CEP128: variants seen among roughly 807,000 people sequenced by gnomAD.
CEP128 encodes the protein centrosomal protein 128kDa.
A neutral mutation model predicts 156.7 loss-of-function variants in CEP128; 132 were observed. The observed-to-expected ratio is 0.84, with a 90% CI of 0.73 to 0.97. CEP128 has a LOEUF of 0.97. Among genes scored for constraint, CEP128 ranks in the 50% least tolerant of loss-of-function variants. CEP128 has a pLI of 0.00. For missense variants in CEP128, 1,252 were observed against 1,281.9 expected (o/e 0.98, Z 0.36); for synonymous variants, 469 against 448.9 (o/e 1.04, Z -0.57).
chr14:80,896,434 G>T (rs184204973), intron 7 of CEP128, among the ~76,000 whole-genome samples: 3 of 152,176 alleles, frequency 2.0e-5, no homozygotes, highest in African/African-American at 7.2e-5. Flanking sequence ...TATTTTGCTG[G>T]TTGCCTTCAT....
chr14:80,906,183 TC>T (rs767171861), intron 4 of CEP128, 102 bp from the exon 5 acceptor site: 2 of 891,356 alleles, frequency 2.2e-6, no homozygotes, highest in African/African-American at 1.8e-5. Context: ...ATATCTGGGT[TC>T]CCCCCAAAAA....
At chr14:80,847,411 T>A (rs928624019) in intron 9 of CEP128, among the ~76,000 whole-genome samples, 2 of 152,142 alleles carry the variant, frequency 1.3e-5, no homozygotes, top group Non-Finnish European at 2.9e-5. Context: ...GTTTATTTCA[T>A]CTTTGCAAAG....
At position 80,511,065 on chromosome 14, in the gene CEP128, CT is replaced by C. The variant is rs201045822; in HGVS notation, c.3073-6046del. ...TATTGGCCTGTGGGTTTTTTTTTTC[CT>C]TTTTTTTTTTTATATGTCTTCTTCT... On this transcript the variant is annotated intron_variant, in intron 23 of 24. Coordinates refer to ENST00000555265, the MANE Select transcript of CEP128 (RefSeq NM_152446.5). Among the ~76,000 whole-genome samples the C allele has an allele frequency of 7.6e-3, 1,108 of 145,530 alleles. 13 individuals are homozygous for C. The highest frequency in any genetic ancestry group is 0.027 in the African/African-American group (1,063 of 39,034).
chr14:80,560,923 C>A (rs1890645668), intron 20 of CEP128, among the ~76,000 whole-genome samples: 1 of 152,048 alleles, frequency 6.6e-6, no homozygotes, highest in African/African-American at 2.4e-5. Context: ...CTAATTCTGT[C>A]CCTCTAAGAG....
intron 19 of CEP128, among the ~76,000 whole-genome samples, chr14:80,659,254 T>C (rs1206512382): frequency 6.6e-6 from 1 of 152,146 alleles, no homozygotes; most frequent in Non-Finnish European, 1.5e-5. Flanking sequence ...TAATAATTTT[T>C]TCCTACAGCA....
chr14:80,652,899 T>C (rs1405965248), intron 19 of CEP128, among the ~76,000 whole-genome samples: 4 of 152,208 alleles, frequency 2.6e-5, no homozygotes, highest in African/African-American at 9.6e-5. Flanking sequence ...CGTATGTTTA[T>C]TGCAGCACTG....
chr14:80,478,661 G>T (rs1407858370), intron 14 of CEP128, among the ~76,000 whole-genome samples: 1 of 152,186 alleles, frequency 6.6e-6, no homozygotes, highest in Non-Finnish European at 1.5e-5. Flanking sequence ...TCATAGGGTT[G>T]TTGTGAGGAT....
At chr14:80,635,414 A>G (rs1374432136) in intron 19 of CEP128, among the ~76,000 whole-genome samples, 1 of 152,192 alleles carries the variant, frequency 6.6e-6, no homozygotes, top group Non-Finnish European at 1.5e-5. Flanking sequence ...AAAGAACAAA[A>G]AAACCCCCAA....
chr14:80,695,351 A>G (rs1896855768), intron 19 of CEP128, among the ~76,000 whole-genome samples: 1 of 152,202 alleles, frequency 6.6e-6, no homozygotes, highest in African/African-American at 2.4e-5. Context: ...TTGAGAAATA[A>G]TTAGTTTACC....
chr14:80,521,635 C>A (rs1461393410), intron 23 of CEP128, among the ~76,000 whole-genome samples: 3 of 152,092 alleles, frequency 2.0e-5, no homozygotes, highest in Non-Finnish European at 2.9e-5. Flanking sequence ...GATTTGATTG[C>A]CTATAAGGTT....
chr14:80,905,994 T>C lies in CEP128; in HGVS notation c.322A>G (p.Ser108Gly), dbSNP rs1408178263. Residue 108 changes from serine to glycine, a missense_variant, in exon 5 of 25, where the codon AGT becomes GGT. Coordinates refer to ENST00000555265, the MANE Select transcript of CEP128 (RefSeq NM_152446.5). Reference protein sequence around the residue: ...NSGGRSISVTSLSASDLDGGT... With the variant: ...NSGGRSISVTGLSASDLDGGT... ...CCATCAAGGTCACTTGCACTCAAAC[T>C]TGTAACAGAAATACTTCTCCCTCCT... 3 of 1,613,258 alleles carry C rather than the reference T, an allele frequency of 1.9e-6. No homozygotes were observed. The East Asian group carries it at 6.7e-5, about 36-fold the overall frequency.
At chr14:80,915,743 T>C (rs1331873049) in intron 3 of CEP128, among the ~76,000 whole-genome samples, 1 of 152,200 alleles carries the variant, frequency 6.6e-6, no homozygotes, top group Admixed American at 6.5e-5. Context: ...TAAACTACAA[T>C]CATTTCTACT....
At chr14:80,660,897 C>A (rs1895373320) in intron 19 of CEP128, among the ~76,000 whole-genome samples, 1 of 152,134 alleles carries the variant, frequency 6.6e-6, no homozygotes, top group South Asian at 2.1e-4. Flanking sequence ...ACCAATTTTA[C>A]TCCAAAAAAA....
intron 9 of CEP128, among the ~76,000 whole-genome samples, chr14:80,842,770 A>C (rs1886404935): frequency 6.6e-6 from 1 of 151,978 alleles, no homozygotes; most frequent in African/African-American, 2.4e-5. Flanking sequence ...AATGAATTTC[A>C]ATAATTATGT....
At chr14:80,527,250 G>A (rs895834416) in intron 22 of CEP128, 3 of 503,124 alleles carry the variant, frequency 6.0e-6, no homozygotes, top group Admixed American at 4.6e-5. Flanking sequence ...GCAACATGGT[G>A]AAACCTCACC....
intron 9 of CEP128, among the ~76,000 whole-genome samples, chr14:80,856,720 CTTTTTTTTTTTTTTTT>C (rs766724436): frequency 3.1e-5 from 2 of 65,188 alleles, no homozygotes; most frequent in Admixed American, 4.0e-4. Flanking sequence ...TTTTTCTTTT[CTTTTTTTTTTTTTTTT>C]TTTTTTTTTT....
chr14:80,938,798 C>A (rs777143851), intron 2 of CEP128, among the ~76,000 whole-genome samples: 1 of 151,852 alleles, frequency 6.6e-6, no homozygotes, highest in Non-Finnish European at 1.5e-5. Flanking sequence ...TTTTAAAAAA[C>A]TAAGAAAGAT....
chr14:80,719,017 G>A (rs1240016672), intron 19 of CEP128, among the ~76,000 whole-genome samples: 2 of 152,150 alleles, frequency 1.3e-5, no homozygotes, highest in African/African-American at 4.8e-5. Flanking sequence ...ACTCTGTCAG[G>A]ATTTGGTAAA....
chr14:80,846,282 A>G (rs764722147), intron 9 of CEP128, among the ~76,000 whole-genome samples: 1 of 152,190 alleles, frequency 6.6e-6, no homozygotes, highest in Non-Finnish European at 1.5e-5. Context: ...AACTTCTACT[A>G]TTCCCCAATA....
Sources: allele counts gnomAD v4.1 joint callset (sites outside exome capture counted in the v4.1 genomes callset), GRCh38; gene constraint gnomAD v4.1.1; transcripts MANE v1.5; gene names NCBI Gene and HGNC (gene_info 2026-07-23, HGNC 2026-07-21).